The following LAPTM5 variants were observed in gnomAD, a reference collection of about 807,000 sequenced individuals.
LAPTM5 encodes lysosomal protein transmembrane 5.
LAPTM5 carries 11 observed loss-of-function variants against 30.1 expected under a neutral mutation model. The ratio of observed to expected loss-of-function variants is 0.37; its 90% CI spans 0.23 to 0.60. The LOEUF (loss-of-function observed/expected upper bound fraction) is 0.60, where lower values mean the gene tolerates loss of function less well. Among genes scored for constraint, LAPTM5 ranks in the 20% least tolerant of loss-of-function variants. LAPTM5 has a pLI of 0.71. For synonymous variants in LAPTM5, 151 were observed against 137.9 expected (o/e 1.10, Z -0.67); for missense variants, 324 against 332.5 (o/e 0.97, Z 0.20).
chr1:30,753,725 T>C (rs2124201196), intron 1 of LAPTM5, among the ~76,000 whole-genome samples: 1 of 152,232 alleles, frequency 6.6e-6, no homozygotes, highest in South Asian at 2.1e-4. Context: ...AAAAAGGATG[T>C]AAGAGGAAAG....
rs771019420 is a variant in LAPTM5, at chr1:30,735,280, A to G, written c.607-15T>C. 6.8e-6 allele frequency: 11 copies of G among 1,611,580 alleles called. No individual in the cohort carries two copies. The highest frequency in any genetic ancestry group is 1.7e-4 in the Middle Eastern group (1 of 6,052). On this transcript the variant is annotated splice_polypyrimidine_tract_variant and intron_variant, in intron 6 of 7. Transcript: ENST00000294507. ...AACATGTAGACCTGGAAAAAGGCCC[A>G]GGTCAGGCTGTGCTTTGCTGAGCGT...
Position 30,737,544 on chromosome 1 carries a change from G to T in LAPTM5, c.606+60C>A, listed in dbSNP as rs527438194. On this transcript the variant is annotated intron_variant, in intron 6 of 7. Coordinates refer to ENST00000294507, the MANE Select transcript of LAPTM5 (RefSeq NM_006762.3). ...CCTTCTAACAGCTTGGCATGGGCAG[G>T]CCTGGGCCCAGCACAGCCTCACCAC... 1.5e-3 allele frequency: 1,905 copies of T among 1,284,982 alleles called. 5 individuals carry two copies. Among genetic ancestry groups the T allele is most frequent in the Non-Finnish European group, 1.8e-3 (1,636 of 887,566 alleles). The allele number at this position is 1,284,982 out of a possible 1,614,324, so 79.6% of individuals were successfully genotyped here. A position where few individuals can be genotyped will look rare whatever the true frequency, so the allele number is the denominator to read the frequency against.
chr1:30,754,898 A>G (rs915463221), intron 1 of LAPTM5, among the ~76,000 whole-genome samples: 3 of 152,270 alleles, frequency 2.0e-5, no homozygotes, highest in East Asian at 1.9e-4. Flanking sequence ...GACAGCCAGC[A>G]TGGGCTATTG....
Position 30,739,236 on chromosome 1 carries a change from G to A in LAPTM5, c.388-174C>T. 1.2e-6 allele frequency: 1 copy of A among 822,124 alleles called. No homozygotes were observed. The highest frequency in any genetic ancestry group is 1.8e-5 in the South Asian group (1 of 55,366). The allele number at this position is 822,124 out of a possible 1,614,324, so 50.9% of individuals were successfully genotyped here. On this transcript the variant is annotated intron_variant, in intron 4 of 7. Transcript: ENST00000294507. This position sits in a 1 kb window ranked among gnomAD's most constrained non-coding sequence, Gnocchi z 4.2. ...ACACAGATGTTCATACCAAGAGCTG[G>A]TGGCAGACCCAAGACTAGAACCAAG...
chr1:30,748,133 T>A (rs1405218969), intron 1 of LAPTM5, among the ~76,000 whole-genome samples: 1 of 151,910 alleles, frequency 6.6e-6, no homozygotes, highest in East Asian at 1.9e-4. Context: ...ATCTGAGATT[T>A]TCAGGGAGGT....
chr1:30,744,710 G>A (rs139457821), intron 1 of LAPTM5, among the ~76,000 whole-genome samples: 283 of 152,162 alleles, frequency 1.9e-3, no homozygotes, highest in African/African-American at 6.4e-3. Context: ...GTTGAGGGAG[G>A]AGCCCAAGTC....
chr1:30,739,698 G>A lies in LAPTM5; in HGVS notation c.387+111C>T, dbSNP rs1274105048. On this transcript the variant is annotated intron_variant, in intron 4 of 7. Transcript: ENST00000294507. This position sits in a 1 kb window ranked among gnomAD's most constrained non-coding sequence, Gnocchi z 4.2. ...TGGGTCAAGACACCAGCCAGGAAGA[G>A]GGCTCCTACCCTCCCCAGCCTGAGC... The A allele has an allele frequency of 3.1e-6, 4 of 1,296,394 alleles. No homozygotes were observed. The highest frequency in any genetic ancestry group is 5.8e-5 in the Admixed American group (2 of 34,576). The allele number at this position is 1,296,394 out of a possible 1,614,324, so 80.3% of individuals were successfully genotyped here. A position where few individuals can be genotyped will look rare whatever the true frequency, so the allele number is the denominator to read the frequency against.
At chr1:30,749,076 C>A (rs1334260338) in intron 1 of LAPTM5, among the ~76,000 whole-genome samples, 1 of 152,202 alleles carries the variant, frequency 6.6e-6, no homozygotes, top group Non-Finnish European at 1.5e-5. Flanking sequence ...TTTGTAACAG[C>A]CCCAAGCTGG....
rs1269398501 is a variant in LAPTM5 at position 30,746,688 on chromosome 1, T to C, written c.88-4139A>G. Among the ~76,000 whole-genome samples the C allele has an allele frequency of 6.6e-6, 1 of 152,076 alleles. No homozygotes were observed. The highest frequency in any genetic ancestry group is 2.4e-5 in the African/African-American group (1 of 41,420). On this transcript the variant is annotated intron_variant, in intron 1 of 7. Coordinates refer to ENST00000294507, the MANE Select transcript of LAPTM5 (RefSeq NM_006762.3). The surrounding 1 kb of genome is among the most constrained non-coding windows in gnomAD (Gnocchi z 4.0). ...CCTTCATTCTATGCTGGTGAGATCA[T>C]GAAGATAAGAGCTCGGGTGCTGGGG...
At chr1:30,748,605 G>A (rs912951527) in intron 1 of LAPTM5, among the ~76,000 whole-genome samples, 2 of 152,142 alleles carry the variant, frequency 1.3e-5, no homozygotes, top group African/African-American at 4.8e-5. Context: ...GCTCAGTGGG[G>A]GCCAGCCCCC....
intron 1 of LAPTM5, among the ~76,000 whole-genome samples, chr1:30,744,737 A>G (rs149678853): frequency 6.6e-6 from 1 of 152,018 alleles, no homozygotes; most frequent in Non-Finnish European, 1.5e-5. Context: ...TGCTGTTCTG[A>G]TGCCTTCCCA....
chr1:30,750,864 TG>T (rs1441914403), intron 1 of LAPTM5, among the ~76,000 whole-genome samples: 1 of 152,258 alleles, frequency 6.6e-6, no homozygotes, highest in Non-Finnish European at 1.5e-5. Context: ...AAATTGAGGC[TG>T]GGGGACGGGT....
intron 6 of LAPTM5, among the ~76,000 whole-genome samples, chr1:30,736,786 GA>G (rs1339990743): frequency 6.6e-6 from 1 of 152,130 alleles, no homozygotes; most frequent in Non-Finnish European, 1.5e-5. Flanking sequence ...TTTATAATCA[GA>G]AAAGAACACT....
At position 30,739,958 on chromosome 1, in the gene LAPTM5, C is replaced by T. The variant is rs113304071; in HGVS notation, c.259-21G>A. The T allele has an allele frequency of 4.1e-5, 63 of 1,549,626 alleles. No individual in the cohort carries two copies. The highest frequency in any genetic ancestry group is 6.9e-5 in the African/African-American group (5 of 72,960). ...CGGTTCTGAAAGGTAGGCCCAGCAC[C>T]GTCAAGTGTCCCCTGCATGCAGCCA... On this transcript the variant is annotated intron_variant, in intron 3 of 7. Coordinates refer to ENST00000294507, the MANE Select transcript of LAPTM5 (RefSeq NM_006762.3). The surrounding 1 kb of genome is among the most constrained non-coding windows in gnomAD (Gnocchi z 4.2).
At chr1:30,743,128 A>G (rs180706459) in intron 1 of LAPTM5, among the ~76,000 whole-genome samples, 1 of 152,254 alleles carries the variant, frequency 6.6e-6, no homozygotes, top group East Asian at 1.9e-4. Flanking sequence ...GGGAACAATA[A>G]CATCTTCCTC....
At position 30,733,800 on chromosome 1, in the gene LAPTM5, C is replaced by A; in HGVS notation, c.*28G>T. ...GATTATGAGGCAGCTCCACCCCTCC[C>A]AGCACTGGGGCTGGGGCCTGGCGAG... On this transcript the variant is annotated 3_prime_UTR_variant, in exon 8 of 8. Transcript: ENST00000294507. The A allele has an allele frequency of 6.3e-7, 1 of 1,597,794 alleles. No homozygotes were observed. The highest frequency in any genetic ancestry group is 8.5e-7 in the Non-Finnish European group (1 of 1,174,356).
chr1:30,751,088 G>T (rs1208630421), intron 1 of LAPTM5, among the ~76,000 whole-genome samples: 1 of 152,262 alleles, frequency 6.6e-6, no homozygotes, highest in Non-Finnish European at 1.5e-5. Flanking sequence ...TGGAGGCCTC[G>T]GGGCCAGGTT....
intron 2 of LAPTM5, chr1:30,741,974 G>A (rs1344588609): frequency 1.5e-5 from 6 of 388,714 alleles, no homozygotes; most frequent in East Asian, 5.2e-5. Context: ...GGGTGAGGCT[G>A]AGGAAGGCAT....
intron 1 of LAPTM5, among the ~76,000 whole-genome samples, chr1:30,757,366 C>T (rs1640226500): frequency 6.6e-6 from 1 of 152,218 alleles, no homozygotes; most frequent in Admixed American, 6.5e-5. Flanking sequence ...TGCCCCATCT[C>T]ACAGAGGCAG....
Sources: gnomAD v4.1 joint callset for allele counts (sites outside exome capture counted in the v4.1 genomes callset) on GRCh38, gnomAD v4.1.1 for gene constraint, Gnocchi (gnomAD v3.1) non-coding constraint, MANE v1.5 for transcripts, NCBI Gene and HGNC (gene_info 2026-07-23, HGNC 2026-07-21) for gene names.